HECW2: variants seen among roughly 807,000 people sequenced by gnomAD.
The protein encoded by HECW2 is E3 ubiquitin-protein ligase HECW2.
In HECW2, 61 loss-of-function variants were observed where a neutral mutation model predicts 175.2. That is an observed-to-expected ratio of 0.35 (90% CI 0.28 to 0.43). The LOEUF is 0.43. Ranked by LOEUF, HECW2 falls within the 20% of genes least tolerant of loss-of-function variation. The pLI is 1.00. For missense variants in HECW2, 1,524 were observed against 2,000.5 expected, an observed-to-expected ratio of 0.76 and a Z score of 4.54; for synonymous variants, 671 against 731.0, an observed-to-expected ratio of 0.92 and a Z score of 1.32.
intron 2 of HECW2, among the ~76,000 whole-genome samples, chr2:196,429,450 T>C (rs537208878): frequency 6.6e-6 from 1 of 152,302 alleles, no homozygotes; most frequent in East Asian, 1.9e-4. Context: ...TTTTATTCAG[T>C]TCTTTGGAAA....
intron 2 of HECW2, among the ~76,000 whole-genome samples, chr2:196,420,824 T>C (rs1205789838): frequency 3.3e-5 from 5 of 152,066 alleles, no homozygotes; most frequent in South Asian, 2.1e-4. Flanking sequence ...GTTTGTTACA[T>C]AGAATATGTC....
intron 1 of HECW2, among the ~76,000 whole-genome samples, chr2:196,573,928 C>A (rs1690471054): frequency 6.6e-6 from 1 of 151,872 alleles, no homozygotes; most frequent in Non-Finnish European, 1.5e-5. Context: ...TGCCTGTAAT[C>A]CCTGCTACTT....
chr2:196,254,855 C>T (rs963317184), intron 18 of HECW2, among the ~76,000 whole-genome samples: 2 of 152,188 alleles, frequency 1.3e-5, no homozygotes, highest in African/African-American at 4.8e-5. Context: ...AGCATCTTTC[C>T]ATGGGTTTAT....
intron 2 of HECW2, among the ~76,000 whole-genome samples, chr2:196,402,803 ATTTTTTTTT>A (rs369586280): frequency 8.1e-6 from 1 of 123,622 alleles, no homozygotes; most frequent in Non-Finnish European, 1.6e-5. Context: ...TGCCTTGGGA[ATTTTTTTTT>A]TTTTTTTTTT....
rs144255047 is a variant in HECW2 at position 196,512,717 on chromosome 2, T to A, written c.-35-79259A>T. Reference sequence around the variant, plus strand: ...ACTTTTTTTTTTTTTCGAGTTGGAGTCTCGCTCTGTCACCCAGGCTGCAGT... The same window carrying A: ...ACTTTTTTTTTTTTTCGAGTTGGAGACTCGCTCTGTCACCCAGGCTGCAGT... On this transcript the variant is annotated intron_variant, in intron 1 of 28. Transcript: ENST00000644978. Among the ~76,000 whole-genome samples the A allele has an allele frequency of 3.0e-4, 45 of 148,506 alleles. No individual in the cohort carries two copies. In the East Asian group the frequency reaches 8.4e-3, roughly 28 times the overall value.
At position 196,274,093 on chromosome 2, in the gene HECW2, G is replaced by T; in HGVS notation, c.3166C>A (p.Pro1056Thr). 1 of 1,614,104 alleles carries T rather than the reference G, an allele frequency of 6.2e-7. No individual in the cohort carries two copies. The highest frequency in any genetic ancestry group is 8.5e-7 in the Non-Finnish European group (1 of 1,179,958). The change falls in exon 16 of 29, where the codon CCA (proline) becomes ACA (threonine). Residue 1056 changes from proline (P) to threonine (T), a missense_variant. Physicochemically the swap from Pro to Thr is conservative, Grantham distance 38. Coordinates refer to ENST00000644978, the MANE Select transcript of HECW2 (RefSeq NM_001348768.2). ...VGEDSRHAGP[P>T]VLPRPSSTFN... Reference sequence around the variant, plus strand: ...GTACTGGATGGCCTGGGAAGAACTGGTGGTCCTGCATGTCGAGAATCTTCT... The same window carrying T: ...GTACTGGATGGCCTGGGAAGAACTGTTGGTCCTGCATGTCGAGAATCTTCT...
chr2:196,299,982 C>G (rs1197588550), intron 13 of HECW2, among the ~76,000 whole-genome samples: 3 of 151,984 alleles, frequency 2.0e-5, no homozygotes, highest in African/African-American at 7.3e-5. Context: ...GACTATTTAT[C>G]CAGTCTCTAC....
At chr2:196,344,649 A>G (rs1375280351) in intron 2 of HECW2, among the ~76,000 whole-genome samples, 3 of 152,208 alleles carry the variant, frequency 2.0e-5, no homozygotes, top group African/African-American at 7.2e-5. Flanking sequence ...ATGAAACTAG[A>G]AAACACGAAA....
chr2:196,242,227 G>T, intron 19 of HECW2, 23 bp from the exon 20 acceptor site: 1 of 1,613,776 alleles, frequency 6.2e-7, no homozygotes, highest in South Asian at 1.1e-5. Flanking sequence ...ACAAAGAGAG[G>T]ACAATCTGGA....
chr2:196,318,024 T>C (rs1408020118), intron 9 of HECW2, among the ~76,000 whole-genome samples: 1 of 152,250 alleles, frequency 6.6e-6, no homozygotes, highest in Non-Finnish European at 1.5e-5. Context: ...CATACATTAA[T>C]CTTCCACTGT....
chr2:196,242,232 T>G, intron 19 of HECW2, 28 bp from the exon 20 acceptor site: 1 of 1,613,634 alleles, frequency 6.2e-7, no homozygotes, highest in Non-Finnish European at 8.5e-7. Flanking sequence ...GAGAGGACAA[T>G]CTGGATTTGT....
At chr2:196,490,584 C>A (rs1291536132) in intron 1 of HECW2, among the ~76,000 whole-genome samples, 1 of 152,160 alleles carries the variant, frequency 6.6e-6, no homozygotes, top group East Asian at 1.9e-4. Context: ...TAAAGCCCAG[C>A]AATCCCACCC....
At chr2:196,322,436 G>T (rs1350692568) in intron 7 of HECW2, 42 bp downstream of exon 7, 2 of 1,565,936 alleles carry the variant, frequency 1.3e-6, no homozygotes, top group Non-Finnish European at 1.7e-6. Context: ...TTTCCTATAT[G>T]AACTAATCTC....
chr2:196,318,777 C>A lies in HECW2; in HGVS notation c.2113G>T (p.Gly705Cys), dbSNP rs1449847465. The A allele has an allele frequency of 2.6e-6, 4 of 1,526,526 alleles. No individual in the cohort carries two copies. The highest frequency in any genetic ancestry group is 2.6e-5 in the South Asian group (2 of 76,782). 94.6% of individuals were successfully genotyped at this position (1,526,526 alleles called of 1,614,324 possible). A position where few individuals can be genotyped will look rare whatever the true frequency, so the allele number is the denominator to read the frequency against. ...GGCACCTGTACCACAGGTAAAGAACCAGCAGTGCACACGGATTCCTGCGAC... is the reference window on the plus strand; with the variant it reads ...GGCACCTGTACCACAGGTAAAGAACAAGCAGTGCACACGGATTCCTGCGAC... ...EGSQESVCTA[G>C]SLPVVQVPSG... Residue 705 changes from glycine (G) to cysteine (C), a missense_variant, in exon 9 of 29, where the codon GGT (glycine) becomes TGT (cysteine). Gly to Cys is a radical substitution (Grantham distance 159, BLOSUM62 -3). This residue lies in a region of HECW2 where 604 missense variants were observed against 588.3 expected (regional missense o/e 1.03). Coordinates refer to ENST00000644978, the MANE Select transcript of HECW2 (RefSeq NM_001348768.2).
intron 1 of HECW2, among the ~76,000 whole-genome samples, chr2:196,452,931 A>G (rs773032516): frequency 6.6e-6 from 1 of 152,190 alleles, no homozygotes; most frequent in Non-Finnish European, 1.5e-5. Flanking sequence ...AATACAAAAA[A>G]TGAGACTAAA....
intron 14 of HECW2, among the ~76,000 whole-genome samples, chr2:196,283,785 C>T (rs1246643565): frequency 1.3e-5 from 2 of 152,202 alleles, no homozygotes; most frequent in Non-Finnish European, 2.9e-5. Flanking sequence ...AGAGGAAAGA[C>T]AGTCTCTCTA....
chr2:196,576,243 T>C (rs1046149674), intron 1 of HECW2, among the ~76,000 whole-genome samples: 15 of 152,174 alleles, frequency 9.9e-5, no homozygotes, highest in African/African-American at 3.4e-4. Context: ...TAGTAGGCTA[T>C]ACCATCTAAG....
intron 15 of HECW2, among the ~76,000 whole-genome samples, chr2:196,274,552 A>C (rs1389735167): frequency 6.6e-6 from 1 of 152,214 alleles, no homozygotes; most frequent in Admixed American, 6.5e-5. Context: ...CTTTTGGCTA[A>C]GGCAGGCCAG....
At chr2:196,405,164 C>T (rs759217562) in intron 2 of HECW2, among the ~76,000 whole-genome samples, 7 of 152,100 alleles carry the variant, frequency 4.6e-5, no homozygotes, top group East Asian at 3.9e-4. Context: ...CTCCATCTTC[C>T]GTCTCCCCTT....
Sources: gnomAD v4.1 joint callset for allele counts (sites outside exome capture counted in the v4.1 genomes callset) on GRCh38, gnomAD v4.1.1 for gene constraint, gnomAD v4.1.1 regional missense constraint, MANE v1.5 for transcripts, NCBI Gene and HGNC (gene_info 2026-07-23, HGNC 2026-07-21) for gene names.